The following NFIB variants were observed in gnomAD, a reference collection of about 807,000 sequenced individuals.
The protein encoded by NFIB is nuclear factor I B, also known as nuclear factor 1 B-type.
NFIB carries 11 observed loss-of-function variants against 61.5 expected under a neutral mutation model. The observed-to-expected ratio is 0.18, with a 90% CI of 0.11 to 0.30. The LOEUF is 0.30. NFIB is among the 10% of genes least tolerant of loss of function. The pLI is 1.00. For synonymous variants in NFIB, 260 were observed against 216.5 expected (o/e 1.20, Z -1.76); for missense variants, 471 against 608.9 (o/e 0.77, Z 2.38).
chr9:14,457,887 C>T, the NFIB span, among the ~76,000 whole-genome samples: 1 of 152,056 alleles, frequency 6.6e-6, no homozygotes, highest in Admixed American at 6.6e-5. Context: ...AGCTTACCAA[C>T]CAAAAAAAGT....
intron 1 of NFIB, among the ~76,000 whole-genome samples, chr9:14,377,309 C>G (rs2061431086): frequency 6.6e-6 from 1 of 152,230 alleles, no homozygotes; most frequent in Non-Finnish European, 1.5e-5. Flanking sequence ...CAGCCTCAAA[C>G]TCCTGGATTA....
chr9:14,341,293 G>T (rs183058911), intron 1 of NFIB, among the ~76,000 whole-genome samples: 21 of 152,280 alleles, frequency 1.4e-4, no homozygotes, highest in Admixed American at 1.4e-3. Flanking sequence ...ACTGCCCATG[G>T]GTACCTGGTG....
At chr9:14,400,269 T>C (rs370759564), upstream of NFIB, among the ~76,000 whole-genome samples, 29 of 152,330 alleles carry the variant, frequency 1.9e-4, no homozygotes, top group African/African-American at 6.7e-4. Context: ...ACAGGGATCC[T>C]ACTACTTCTT....
the NFIB span, among the ~76,000 whole-genome samples, chr9:14,451,254 G>A: frequency 6.6e-6 from 1 of 152,366 alleles, no homozygotes; most frequent in Non-Finnish European, 1.5e-5. Context: ...ATCTTCAGCT[G>A]CATGGTGGAT....
chr9:14,232,489 C>G (rs773873975), intron 2 of NFIB, among the ~76,000 whole-genome samples: 1 of 152,038 alleles, frequency 6.6e-6, no homozygotes, highest in Non-Finnish European at 1.5e-5. Context: ...CCTACCTGCT[C>G]AAGGAAAGCA....
intron 2 of NFIB, among the ~76,000 whole-genome samples, chr9:14,197,281 C>T (rs1389208325): frequency 2.6e-5 from 4 of 152,224 alleles, no homozygotes; most frequent in Non-Finnish European, 2.9e-5. Flanking sequence ...CTCAGTCTCA[C>T]TCTCCTGTCT....
chr9:14,144,378 A>C (rs573941465), intron 6 of NFIB, among the ~76,000 whole-genome samples: 4 of 152,292 alleles, frequency 2.6e-5, no homozygotes, highest in Admixed American at 6.5e-5. Flanking sequence ...TCTGACAAGG[A>C]AAGTATGGCT....
At chr9:14,123,616 T>A (rs943527100) in intron 7 of NFIB, among the ~76,000 whole-genome samples, 1 of 152,230 alleles carries the variant, frequency 6.6e-6, no homozygotes, top group Non-Finnish European at 1.5e-5. Context: ...CGAAGATATT[T>A]GTGGATCCTT....
intron 2 of NFIB, among the ~76,000 whole-genome samples, chr9:14,187,919 T>C (rs1033892656): frequency 6.6e-6 from 1 of 152,176 alleles, no homozygotes; most frequent in African/African-American, 2.4e-5. Context: ...CAGAGGGCTG[T>C]GGTACTTCAT....
intron 1 of NFIB, among the ~76,000 whole-genome samples, chr9:14,373,506 C>T (rs2061382149): frequency 6.6e-6 from 1 of 152,054 alleles, no homozygotes; most frequent in Non-Finnish European, 1.5e-5. Context: ...GTTTTAGACT[C>T]ATTGCCAGGT....
At chr9:14,228,751 A>T (rs996373435) in intron 2 of NFIB, among the ~76,000 whole-genome samples, 1 of 152,202 alleles carries the variant, frequency 6.6e-6, no homozygotes, top group African/African-American at 2.4e-5. Flanking sequence ...TTTTCAGTCC[A>T]TCTGAGATGT....
chr9:14,388,393 A>AGAG, intron 1 of NFIB, among the ~76,000 whole-genome samples: 1 of 13,204 alleles, frequency 7.6e-5, no homozygotes, highest in African/African-American at 2.3e-4. Context: ...GGAAGGAAGG[A>AGAG]AGGAAGGAAG....
chr9:14,145,495 G>T (rs1292138019), intron 6 of NFIB, among the ~76,000 whole-genome samples: 1 of 152,020 alleles, frequency 6.6e-6, no homozygotes, highest in Non-Finnish European at 1.5e-5. Flanking sequence ...AATTTGAGCA[G>T]CAAAGAAGGA....
chr9:14,323,511 T>C (rs903754772), intron 1 of NFIB, among the ~76,000 whole-genome samples: 1 of 152,218 alleles, frequency 6.6e-6, no homozygotes, highest in African/African-American at 2.4e-5. Context: ...TAACATTTAC[T>C]TAGTAGTAAC....
the NFIB span, among the ~76,000 whole-genome samples, chr9:14,495,445 A>ATTT: frequency 1.2e-4 from 12 of 98,136 alleles, no homozygotes; most frequent in Middle Eastern, 9.1e-3. Flanking sequence ...AGAGAAATGA[A>ATTT]CTTTTTTTTT....
At chr9:14,201,802 A>T (rs546553617) in intron 2 of NFIB, among the ~76,000 whole-genome samples, 1 of 109,476 alleles carries the variant, frequency 9.1e-6, no homozygotes, top group African/African-American at 3.3e-5. Flanking sequence ...AAGTAACCTT[A>T]AAAAAAAAAA....
At chr9:14,402,196 C>G (rs961692409), upstream of NFIB, among the ~76,000 whole-genome samples, 1 of 152,118 alleles carries the variant, frequency 6.6e-6, no homozygotes, top group Non-Finnish European at 1.5e-5. Context: ...TTAGATGAAG[C>G]TGGATGAAAT....
At chr9:14,295,703 G>A (rs567996235) in intron 2 of NFIB, among the ~76,000 whole-genome samples, 13 of 152,072 alleles carry the variant, frequency 8.5e-5, no homozygotes, top group Non-Finnish European at 1.6e-4. Flanking sequence ...CACTTCTGCC[G>A]AAACAAATCT....
At chr9:14,230,126 A>C (rs1447480685) in intron 2 of NFIB, among the ~76,000 whole-genome samples, 1 of 152,182 alleles carries the variant, frequency 6.6e-6, no homozygotes, top group Non-Finnish European at 1.5e-5. Flanking sequence ...ATTTCTAATT[A>C]GTGGTATTTT....
Sources: allele counts gnomAD v4.1 joint callset (sites outside exome capture counted in the v4.1 genomes callset), GRCh38; gene constraint gnomAD v4.1.1; transcripts MANE v1.5; gene names NCBI Gene and HGNC (gene_info 2026-07-23, HGNC 2026-07-21).